USP48: variants seen among roughly 807,000 people sequenced by gnomAD.
The protein encoded by USP48 is ubiquitin specific peptidase 48, also known as ubiquitin carboxyl-terminal hydrolase 48.
Under a neutral mutation model 150.7 loss-of-function variants are expected in USP48, and 43 were observed. That is an observed-to-expected ratio of 0.29 (90% CI 0.22 to 0.37). USP48 has a LOEUF of 0.37. USP48 is among the 10% of genes least tolerant of loss of function. USP48 has a pLI of 1.00. For missense variants in USP48, 813 were observed against 1,249.6 expected (o/e 0.65, Z 5.27); for synonymous variants, 396 against 425.9 (o/e 0.93, Z 0.86).
At chr1:21,767,146 C>A (rs935372829) in intron 1 of USP48, among the ~76,000 whole-genome samples, 1 of 152,172 alleles carries the variant, frequency 6.6e-6, no homozygotes, top group Non-Finnish European at 1.5e-5. Flanking sequence ...TACTCCCAGG[C>A]TCAGGTGATC....
chr1:21,737,949 G>A (rs919013770), intron 8 of USP48, among the ~76,000 whole-genome samples: 10 of 151,854 alleles, frequency 6.6e-5, no homozygotes, highest in Non-Finnish European at 1.3e-4. Context: ...CCAGACTAGG[G>A]TGCAGTGGCA....
chr1:21,706,417 G>A (rs746147479), intron 17 of USP48, 50 bp downstream of exon 17: 3 of 1,610,208 alleles, frequency 1.9e-6, no homozygotes, highest in East Asian at 4.5e-5. Flanking sequence ...AATTTGGCAA[G>A]GGCTTTAAAA....
rs142597796 is a variant in USP48 at position 21,698,821 on chromosome 1, G to A, written c.2727+2677C>T. Reference sequence around the variant, plus strand: ...GAGGCAGGAGAATGGCTTGAACCTCGGAGGCGGAGCTTGCAGTGAGCCGAG... The same window carrying A: ...GAGGCAGGAGAATGGCTTGAACCTCAGAGGCGGAGCTTGCAGTGAGCCGAG... On this transcript the variant is annotated intron_variant, in intron 22 of 26. Coordinates refer to ENST00000308271, the MANE Select transcript of USP48 (RefSeq NM_032236.8). Among the ~76,000 whole-genome samples the A allele has an allele frequency of 8.1e-3, 1,238 of 152,098 alleles. 19 individuals are homozygous for A. Among genetic ancestry groups the A allele is most frequent in the African/African-American group, 0.027 (1,127 of 41,498 alleles).
In USP48 at chr1:21,783,033, G is replaced by C. The variant is rs1467973693; in HGVS notation, c.-76C>G. On this transcript the variant is annotated 5_prime_UTR_variant, in exon 1 of 27. Transcript: ENST00000308271. ...GCGGTCTGCACCGCCGCCCCAATGG[G>C]CTTCGCCACCTGCCAGCAAGGAGGA... The C allele has an allele frequency of 1.4e-6, 2 of 1,415,960 alleles. No homozygotes were observed. The highest frequency in any genetic ancestry group is 1.8e-6 in the Non-Finnish European group (2 of 1,095,176). The allele number at this position is 1,415,960 out of a possible 1,614,324, so 87.7% of individuals were successfully genotyped here. A position where few individuals can be genotyped will look rare whatever the true frequency, so the allele number is the denominator to read the frequency against.
chr1:21,771,729 G>A (rs2152642277), intron 1 of USP48, among the ~76,000 whole-genome samples: 1 of 152,090 alleles, frequency 6.6e-6, no homozygotes, highest in Non-Finnish European at 1.5e-5. Context: ...AGAACAGCCT[G>A]ACCAACACGG....
intron 11 of USP48, chr1:21,724,383 G>C: frequency 1.7e-6 from 1 of 576,018 alleles, no homozygotes; most frequent in Non-Finnish European, 3.1e-6. Context: ...ATAGAGTCTT[G>C]CCGAATAGCA....
chr1:21,715,369 C>A lies in USP48; in HGVS notation c.1963+20G>T, dbSNP rs1398315931. 6.4e-7 allele frequency: 1 copy of A among 1,560,638 alleles called. No individual in the cohort carries two copies. The highest frequency in any genetic ancestry group is 8.8e-7 in the Non-Finnish European group (1 of 1,140,342). The stretch of plus-strand genomic sequence containing the variant: ...AAAAAAAGGACAATAAAACAGAATT[C>A]ATTTATGCTTCTAGCTTACCATGTG... On this transcript the variant is annotated intron_variant, in intron 15 of 26. Coordinates refer to ENST00000308271, the MANE Select transcript of USP48 (RefSeq NM_032236.8).
chr1:21,738,478 T>A (rs187151101), intron 8 of USP48, among the ~76,000 whole-genome samples: 26 of 150,840 alleles, frequency 1.7e-4, no homozygotes, highest in African/African-American at 6.3e-4. Flanking sequence ...TGCCTCAACC[T>A]CCCAAGTAGC....
In USP48 at chr1:21,736,418, A is replaced by C. The variant is rs749635709; in HGVS notation, c.1171+28T>G. Reference sequence around the variant, plus strand: ...CTAGTAAAATAAATTTATATTTTAAAAGGGCACTCACAACTTAAAGGTTTT... The same window carrying C: ...CTAGTAAAATAAATTTATATTTTAACAGGGCACTCACAACTTAAAGGTTTT... On this transcript the variant is annotated intron_variant, in intron 9 of 26. Coordinates refer to ENST00000308271, the MANE Select transcript of USP48 (RefSeq NM_032236.8). The C allele has an allele frequency of 1.9e-6, 3 of 1,561,758 alleles. No individual in the cohort carries two copies. The African/African-American group carries it at 4.2e-5, about 22-fold the overall frequency.
At chr1:21,728,861 C>T (rs1181277561) in intron 10 of USP48, 142 bp from the exon 11 acceptor site, 1 of 1,032,686 alleles carries the variant, frequency 9.7e-7, no homozygotes, top group Non-Finnish European at 1.4e-6. Flanking sequence ...CTAGAAACCT[C>T]CAAACTGAAG....
intron 24 of USP48, among the ~76,000 whole-genome samples, chr1:21,688,841 T>TTA (rs1243720255): frequency 4.1e-4 from 10 of 24,308 alleles, no homozygotes; most frequent in African/African-American, 2.2e-3. Flanking sequence ...AGACTCCATC[T>TTA]CAAAAAAAAA....
In USP48 at chr1:21,701,602, C is replaced by T. The variant is rs374286224; in HGVS notation, c.2623G>A (p.Val875Met). The T allele has an allele frequency of 8.2e-5, 132 of 1,613,382 alleles. No individual in the cohort carries two copies. The East Asian group carries it at 1.9e-3, about 24-fold the overall frequency. Residue 875 changes from valine to methionine, a missense_variant and splice_region_variant, in exon 22 of 27, where the codon GTG becomes ATG. By Grantham distance (21) the Val-to-Met change is conservative. Transcript: ENST00000308271. ...YVHKVVDNKK[V>M]MKDSAPELNV... ...AGTTCCGGAGCCGAATCCTTCATCA[C>T]CTGAATGTGCCAGGACAACAAAGAG...
intron 12 of USP48, 93 bp from the exon 13 acceptor site, chr1:21,721,857 T>G: frequency 1.2e-6 from 1 of 865,218 alleles, no homozygotes; most frequent in Non-Finnish European, 1.7e-6. Flanking sequence ...CACAGACACA[T>G]TCTAAACCAA....
At chr1:21,778,943 G>A (rs1206162888) in intron 1 of USP48, among the ~76,000 whole-genome samples, 4 of 151,916 alleles carry the variant, frequency 2.6e-5, no homozygotes, top group Admixed American at 6.6e-5. Flanking sequence ...CACCATGCCC[G>A]GCTAATTTTT....
chr1:21,762,270 A>AC (rs1189407264), intron 1 of USP48, among the ~76,000 whole-genome samples: 29 of 137,162 alleles, frequency 2.1e-4, no homozygotes, highest in Admixed American at 2.0e-3. Flanking sequence ...GACTCGTCTC[A>AC]AAAAAAAAAA....
intron 1 of USP48, among the ~76,000 whole-genome samples, chr1:21,761,294 CT>C (rs71016941): frequency 1.3e-3 from 181 of 141,820 alleles, no homozygotes; most frequent in Admixed American, 1.8e-3. Flanking sequence ...TCTGAACTTC[CT>C]TTTTTTTTTT....
At chr1:21,774,072 G>A (rs980904824) in intron 1 of USP48, among the ~76,000 whole-genome samples, 1 of 151,884 alleles carries the variant, frequency 6.6e-6, no homozygotes, top group Non-Finnish European at 1.5e-5. Flanking sequence ...CCAGCTACTC[G>A]GGAGGCTGAG....
intron 21 of USP48, among the ~76,000 whole-genome samples, chr1:21,703,112 C>G (rs1422021564): frequency 1.3e-5 from 2 of 152,234 alleles, no homozygotes; most frequent in Non-Finnish European, 2.9e-5. Flanking sequence ...TCACACTAAC[C>G]TCCACTTGAC....
Position 21,726,088 on chromosome 1 carries a change from T to C in USP48, c.1451-1993A>G, listed in dbSNP as rs145655744. ...ACATTCAAGAATAAGTCACTAGGCA[T>C]CCTAGTTTCCCCAGCAGCTGGGGAG... On this transcript the variant is annotated intron_variant, in intron 11 of 26. Transcript: ENST00000308271. Among the ~76,000 whole-genome samples, 323 of 152,260 alleles carry C rather than the reference T, an allele frequency of 2.1e-3. 2 individuals carry two copies. The highest frequency in any genetic ancestry group is 6.8e-3 in the African/African-American group (283 of 41,534).
Sources: allele counts gnomAD v4.1 joint callset (sites outside exome capture counted in the v4.1 genomes callset), GRCh38; gene constraint gnomAD v4.1.1; transcripts MANE v1.5; gene names NCBI Gene and HGNC (gene_info 2026-07-23, HGNC 2026-07-21).